SLC35F3: variants seen among roughly 807,000 people sequenced by gnomAD.
SLC35F3 encodes the protein putative thiamine transporter SLC35F3.
Under a neutral mutation model 49.9 loss-of-function variants are expected in SLC35F3, and 25 were observed. That is an observed-to-expected ratio of 0.50 (90% confidence interval 0.37 to 0.70). SLC35F3 has a LOEUF of 0.70. Among genes scored for constraint, SLC35F3 ranks in the 30% least tolerant of loss-of-function variants. The pLI, the probability that SLC35F3 is intolerant of heterozygous loss-of-function variation, is 0.00. For synonymous variants in SLC35F3, 275 were observed against 265.4 expected (o/e 1.04, Z -0.35); for missense variants, 525 against 639.8 (o/e 0.82, Z 1.94).
chr1:234,177,590 G>A (rs765054704), intron 2 of SLC35F3, among the ~76,000 whole-genome samples: 2 of 152,166 alleles, frequency 1.3e-5, no homozygotes, highest in African/African-American at 4.8e-5. Context: ...TACTGATCAG[G>A]GAGAGCACTA....
intron 2 of SLC35F3, among the ~76,000 whole-genome samples, chr1:234,170,899 A>G (rs969858540): frequency 1.3e-4 from 20 of 152,238 alleles, no homozygotes; most frequent in Non-Finnish European, 8.8e-5. Flanking sequence ...TGGCAAGCCA[A>G]AGCAGTCTTG....
At chr1:234,241,224 T>G (rs1667549287) in intron 3 of SLC35F3, among the ~76,000 whole-genome samples, 2 of 152,148 alleles carry the variant, frequency 1.3e-5, no homozygotes, top group South Asian at 2.1e-4. Context: ...CCCAAATAAC[T>G]AACCCACTTT....
At chr1:234,062,178 C>T (rs1365714157) in intron 2 of SLC35F3, among the ~76,000 whole-genome samples, 1 of 152,168 alleles carries the variant, frequency 6.6e-6, no homozygotes, top group African/African-American at 2.4e-5. Flanking sequence ...CTGTCTGGAT[C>T]ATTTAGTGAG....
intron 3 of SLC35F3, among the ~76,000 whole-genome samples, chr1:234,288,006 C>T (rs760970745): frequency 6.6e-6 from 1 of 152,104 alleles, no homozygotes; most frequent in Non-Finnish European, 1.5e-5. Context: ...CCTGCCTCAG[C>T]CCCCCAAGTA....
chr1:234,232,962 G>A (rs1667408827), intron 3 of SLC35F3, among the ~76,000 whole-genome samples: 1 of 152,158 alleles, frequency 6.6e-6, no homozygotes, highest in Non-Finnish European at 1.5e-5. Context: ...AATTCTGGAG[G>A]AGGGGGCTCT....
chr1:233,908,682 G>A (rs1278885373), intron 2 of SLC35F3, among the ~76,000 whole-genome samples: 24 of 149,976 alleles, frequency 1.6e-4, no homozygotes, highest in Admixed American at 1.3e-3. Flanking sequence ...GCTGGGACTA[G>A]CACCACCATG....
At chr1:234,050,019 T>C (rs956922935) in intron 2 of SLC35F3, among the ~76,000 whole-genome samples, 16 of 152,266 alleles carry the variant, frequency 1.1e-4, no homozygotes, top group African/African-American at 3.4e-4. Context: ...TGCCACACTT[T>C]ATTAATCCAG....
At chr1:234,213,993 C>T (rs1667076674) in intron 2 of SLC35F3, 1 of 166,876 alleles carries the variant, frequency 6.0e-6, no homozygotes, top group South Asian at 2.0e-4. Flanking sequence ...CAAGCACTTC[C>T]CTTTTTAAAC....
chr1:233,947,772 AGAGAGAG>A (rs1662536660), intron 2 of SLC35F3, among the ~76,000 whole-genome samples: 1 of 140,712 alleles, frequency 7.1e-6, no homozygotes, highest in South Asian at 2.4e-4. Context: ...GAGAGAGAGA[AGAGAGAG>A]GAGAGAGAGA....
At chr1:234,105,001 AC>A (rs2102884117) in intron 2 of SLC35F3, among the ~76,000 whole-genome samples, 1 of 151,816 alleles carries the variant, frequency 6.6e-6, no homozygotes, top group East Asian at 1.9e-4. Flanking sequence ...GGTGGCGGGC[AC>A]CTGTAGTCCC....
chr1:234,137,927 G>T (rs1665835379), intron 2 of SLC35F3, among the ~76,000 whole-genome samples: 1 of 152,144 alleles, frequency 6.6e-6, no homozygotes, highest in South Asian at 2.1e-4. Context: ...GTTAGATTTG[G>T]GTTGGGGTGA....
intron 4 of SLC35F3, among the ~76,000 whole-genome samples, chr1:234,311,579 C>T (rs1657355272): frequency 6.6e-6 from 1 of 152,198 alleles, no homozygotes. Flanking sequence ...GGCCATGGTT[C>T]CTGGAAAACA....
At chr1:234,187,159 C>T (rs546944437) in intron 2 of SLC35F3, among the ~76,000 whole-genome samples, 51 of 152,222 alleles carry the variant, frequency 3.4e-4, no homozygotes, top group African/African-American at 1.1e-3. Context: ...TTAGGGATAC[C>T]AGCTGCTGCC....
In SLC35F3 at chr1:234,151,531, G is replaced by GA. The variant is rs549173313; in HGVS notation, c.284-79876dup. ...AATGGTAGAAAATTATATAAGATGT[G>GA]AAAAAAAAAACCATAAACCAGAATT... On this transcript the variant is annotated intron_variant, in intron 2 of 7. Coordinates refer to ENST00000366618, the MANE Select transcript of SLC35F3 (RefSeq NM_173508.4). Among the ~76,000 whole-genome samples the GA allele has an allele frequency of 6.4e-4, 93 of 144,662 alleles. 1 individual carries two copies. The highest frequency in any genetic ancestry group is 1.1e-3 in the South Asian group (5 of 4,578). The allele number at this position is 144,662 out of a possible 152,430, so 94.9% of individuals were successfully genotyped here.
chr1:234,017,439 C>T (rs746201764), intron 2 of SLC35F3, among the ~76,000 whole-genome samples: 3 of 151,880 alleles, frequency 2.0e-5, no homozygotes, highest in Non-Finnish European at 4.4e-5. Flanking sequence ...TGCAGCCGGG[C>T]GCAGTGGCTC....
chr1:234,239,553 T>C (rs1667522287), intron 3 of SLC35F3, among the ~76,000 whole-genome samples: 1 of 152,238 alleles, frequency 6.6e-6, no homozygotes, highest in Admixed American at 6.5e-5. Flanking sequence ...AACTTATTCA[T>C]ATTATCAATG....
At position 234,092,747 on chromosome 1, in the gene SLC35F3, A is replaced by G. The variant is rs573253403; in HGVS notation, c.284-138670A>G. 2.2e-4 allele frequency among the ~76,000 whole-genome samples: 34 copies of G among 152,310 alleles called. 1 individual carries two copies. The highest frequency in any genetic ancestry group is 3.8e-4 in the Non-Finnish European group (26 of 68,030). On this transcript the variant is annotated intron_variant, in intron 2 of 7. Coordinates refer to ENST00000366618, the MANE Select transcript of SLC35F3 (RefSeq NM_173508.4). ...CTGGGCATGGTTGGTGCATGCCTATAGTCCCAGCTACTCGGGAAGCTGAGG... is the reference window on the plus strand; with the variant it reads ...CTGGGCATGGTTGGTGCATGCCTATGGTCCCAGCTACTCGGGAAGCTGAGG...
chr1:233,961,916 G>A (rs1257392314), intron 2 of SLC35F3, among the ~76,000 whole-genome samples: 2 of 152,208 alleles, frequency 1.3e-5, no homozygotes, highest in East Asian at 3.8e-4. Context: ...GCAATGAAGT[G>A]AGTGGTTACT....
At chr1:234,281,940 G>A (rs963160445) in intron 3 of SLC35F3, among the ~76,000 whole-genome samples, 3 of 152,176 alleles carry the variant, frequency 2.0e-5, no homozygotes, top group Non-Finnish European at 2.9e-5. Context: ...CAGGGAGCAA[G>A]GAGCACGCAA....
Sources: allele counts gnomAD v4.1 joint callset (sites outside exome capture counted in the v4.1 genomes callset), GRCh38; gene constraint gnomAD v4.1.1; transcripts MANE v1.5; gene names NCBI Gene and HGNC (gene_info 2026-07-23, HGNC 2026-07-21).